The following ZBTB16 variants were observed in gnomAD, a reference collection of about 807,000 sequenced individuals.
The protein encoded by ZBTB16 is zinc finger and BTB domain-containing protein 16.
Under a neutral mutation model 56.8 loss-of-function variants are expected in ZBTB16, and 8 were observed. The ratio of observed to expected loss-of-function variants is 0.14; its 90% confidence interval spans 0.08 to 0.25. The LOEUF (loss-of-function observed/expected upper bound fraction) is 0.25. Among genes scored for constraint, ZBTB16 ranks in the 10% least tolerant of loss-of-function variants. The pLI, the probability that ZBTB16 is intolerant of heterozygous loss-of-function variation, is 1.00. For missense variants in ZBTB16, 625 were observed against 903.0 expected (o/e 0.69, Z 3.95); for synonymous variants, 363 against 368.5 (o/e 0.98, Z 0.17).
intron 3 of ZBTB16, among the ~76,000 whole-genome samples, chr11:114,173,140 C>G (rs770431094): frequency 1.3e-5 from 2 of 152,190 alleles, no homozygotes; most frequent in Non-Finnish European, 2.9e-5. Context: ...TCATTTTTAA[C>G]CAGTTTGAAC....
chr11:114,078,811 C>T (rs945536681), intron 2 of ZBTB16, among the ~76,000 whole-genome samples: 2 of 152,080 alleles, frequency 1.3e-5, no homozygotes, highest in African/African-American at 4.8e-5. Flanking sequence ...AGGAGGCACC[C>T]TGTGGGAGGC....
chr11:114,102,086 C>T (rs1565626248), intron 2 of ZBTB16, among the ~76,000 whole-genome samples: 1 of 152,134 alleles, frequency 6.6e-6, no homozygotes, highest in Non-Finnish European at 1.5e-5. Flanking sequence ...CCAGGGATGG[C>T]AGTGAACACA....
intron 2 of ZBTB16, among the ~76,000 whole-genome samples, chr11:114,121,287 A>C (rs1039170004): frequency 6.6e-6 from 1 of 152,136 alleles, no homozygotes; most frequent in African/African-American, 2.4e-5. Context: ...AGTTGAGAAA[A>C]GGTGTACACA....
At chr11:114,157,340 A>G (rs533523748) in intron 3 of ZBTB16, among the ~76,000 whole-genome samples, 1 of 152,338 alleles carries the variant, frequency 6.6e-6, no homozygotes, top group East Asian at 1.9e-4. Flanking sequence ...AGCTACATTC[A>G]TCTTGTGAAC....
chr11:114,192,021 C>T (rs866056994), intron 4 of ZBTB16, among the ~76,000 whole-genome samples: 1 of 152,168 alleles, frequency 6.6e-6, no homozygotes. Flanking sequence ...GTGTTATTGT[C>T]TCTGACAGTT....
At chr11:114,101,718 T>C (rs1345968272) in intron 2 of ZBTB16, among the ~76,000 whole-genome samples, 1 of 152,256 alleles carries the variant, frequency 6.6e-6, no homozygotes, top group Non-Finnish European at 1.5e-5. Context: ...AAAATACACA[T>C]AGATCTCCTG....
intron 2 of ZBTB16, among the ~76,000 whole-genome samples, chr11:114,124,556 CCA>C (rs1491586845): frequency 0.011 from 893 of 79,602 alleles, 12 homozygotes; most frequent in African/African-American, 0.036. Flanking sequence ...AAAAAAAAAA[CCA>C]AAAAAAAAAA....
intron 3 of ZBTB16, among the ~76,000 whole-genome samples, chr11:114,171,980 G>A (rs994951731): frequency 6.6e-6 from 1 of 152,260 alleles, no homozygotes; most frequent in Non-Finnish European, 1.5e-5. Flanking sequence ...GAGAAGGAAG[G>A]AAAGGGAGAC....
chr11:114,228,229 T>C lies in ZBTB16; in HGVS notation c.1454-13938T>C, dbSNP rs112287186. 3.7e-4 allele frequency among the ~76,000 whole-genome samples: 57 copies of C among 152,392 alleles called. 1 individual carries two copies. Among genetic ancestry groups the C allele is most frequent in the African/African-American group, 1.3e-3 (52 of 41,598 alleles). The stretch of plus-strand genomic sequence containing the variant: ...TAATATAGAAATATGTGTGATTCTT[T>C]GTTATCCCATTAACCAATAACATCA... On this transcript the variant is annotated intron_variant, in intron 4 of 6. Coordinates refer to ENST00000335953, the MANE Select transcript of ZBTB16 (RefSeq NM_006006.6).
intron 2 of ZBTB16, among the ~76,000 whole-genome samples, chr11:114,151,381 G>A (rs1378948601): frequency 1.3e-5 from 2 of 152,140 alleles, no homozygotes; most frequent in African/African-American, 2.4e-5. Context: ...GGACAACATC[G>A]TCTTATAAAT....
chr11:114,114,501 A>G (rs752829063), intron 2 of ZBTB16, among the ~76,000 whole-genome samples: 1 of 152,168 alleles, frequency 6.6e-6, no homozygotes, highest in South Asian at 2.1e-4. Context: ...GACTGAAGGC[A>G]TAGTGTTTGT....
intron 4 of ZBTB16, among the ~76,000 whole-genome samples, chr11:114,224,313 G>A (rs1262681165): frequency 6.6e-6 from 1 of 152,240 alleles, no homozygotes; most frequent in East Asian, 1.9e-4. Flanking sequence ...TTCGAGAGGT[G>A]AGAGAGGAAT....
At chr11:114,088,493 C>T (rs1014820452) in intron 2 of ZBTB16, among the ~76,000 whole-genome samples, 2 of 152,136 alleles carry the variant, frequency 1.3e-5, no homozygotes, top group Admixed American at 6.5e-5. Context: ...AGAAACCCCA[C>T]GTTTTTGTGG....
chr11:114,166,200 ACG>A (rs1491544653), intron 3 of ZBTB16, among the ~76,000 whole-genome samples: 183 of 119,680 alleles, frequency 1.5e-3, no homozygotes, highest in Non-Finnish European at 2.6e-3. Context: ...GGACTGGTCT[ACG>A]TGTGTGTGTG....
Position 114,254,715 on chromosome 11 carries a change from A to C in ZBTB16, c.*4160A>C, listed in dbSNP as rs1295120339. The stretch of plus-strand genomic sequence containing the variant: ...TGTGGTCATCTTTCCCCCTCCCATC[A>C]TACCTCCTCCTTCCTGGAGCCTCTG... On this transcript the variant is annotated 3_prime_UTR_variant, in exon 7 of 7. Transcript: ENST00000335953. Among the ~76,000 whole-genome samples the C allele has an allele frequency of 6.6e-6, 1 of 152,100 alleles. No individual in the cohort carries two copies. The highest frequency in any genetic ancestry group is 6.5e-5 in the Admixed American group (1 of 15,286).
intron 2 of ZBTB16, among the ~76,000 whole-genome samples, chr11:114,154,584 A>G (rs1942359146): frequency 6.6e-6 from 1 of 152,218 alleles, no homozygotes; most frequent in East Asian, 1.9e-4. Flanking sequence ...GACATGTCCC[A>G]GTGCCCAACA....
chr11:114,174,653 A>G (rs1344930782), intron 3 of ZBTB16, among the ~76,000 whole-genome samples: 8 of 152,226 alleles, frequency 5.3e-5, no homozygotes, highest in Admixed American at 5.2e-4. Flanking sequence ...TAATATTTCA[A>G]CAAATGAAAG....
intron 3 of ZBTB16, among the ~76,000 whole-genome samples, chr11:114,174,817 C>T (rs1943065157): frequency 6.6e-6 from 1 of 152,184 alleles, no homozygotes; most frequent in South Asian, 2.1e-4. Context: ...TTCTCTTTTC[C>T]TGGAAACTCC....
intron 4 of ZBTB16, among the ~76,000 whole-genome samples, chr11:114,238,058 G>T (rs1038910335): frequency 6.6e-6 from 1 of 152,164 alleles, no homozygotes; most frequent in Non-Finnish European, 1.5e-5. Flanking sequence ...ATGACTTCCA[G>T]CCTGTTGGCC....
Sources: gnomAD v4.1 joint callset for allele counts (sites outside exome capture counted in the v4.1 genomes callset) on GRCh38, gnomAD v4.1.1 for gene constraint, MANE v1.5 for transcripts, NCBI Gene and HGNC (gene_info 2026-07-23, HGNC 2026-07-21) for gene names.